The following AHCTF1 variants were observed in gnomAD, a reference collection of about 807,000 sequenced individuals.
AHCTF1 encodes the protein AT-hook containing transcription factor 1, also known as protein ELYS.
Under a neutral mutation model 248.4 loss-of-function variants are expected in AHCTF1, and 24 were observed. The ratio of observed to expected loss-of-function variants is 0.10; its 90% confidence interval spans 0.07 to 0.14. The LOEUF (loss-of-function observed/expected upper bound fraction) is 0.14, where lower values mean the gene tolerates loss of function less well. Ranked by LOEUF, AHCTF1 falls within the 10% of genes least tolerant of loss-of-function variation. The pLI, the probability that AHCTF1 is intolerant of heterozygous loss-of-function variation, is 1.00. For missense variants in AHCTF1, 2,206 were observed against 2,636.2 expected (o/e 0.84, Z 3.57); for synonymous variants, 786 against 929.8 (o/e 0.85, Z 2.81).
chr1:246,886,169 A>G (rs1007619761), intron 20 of AHCTF1, among the ~76,000 whole-genome samples: 1 of 152,054 alleles, frequency 6.6e-6, no homozygotes, highest in South Asian at 2.1e-4. Context: ...CGTCTCTACT[A>G]AAAATGTAAA....
chr1:246,857,947 A>C, intron 29 of AHCTF1, 133 bp from the exon 30 acceptor site: 2 of 706,162 alleles, frequency 2.8e-6, no homozygotes, highest in Non-Finnish European at 4.5e-6. Context: ...GTGTTATCAG[A>C]CTGCTAACAC....
chr1:246,840,206 A>C lies in AHCTF1; in HGVS notation c.*600T>G, dbSNP rs1330187783. On this transcript the variant is annotated 3_prime_UTR_variant, in exon 36 of 36. Coordinates refer to ENST00000648844, the MANE Select transcript of AHCTF1 (RefSeq NM_001323342.2). ...TAAGCTTGCCGAATAAGAGATGCCAACATTATAGTTAACCAATACTTGGAT... is the reference window on the plus strand; with the variant it reads ...TAAGCTTGCCGAATAAGAGATGCCACCATTATAGTTAACCAATACTTGGAT... 6.6e-6 allele frequency: 1 copy of C among 152,670 alleles called. No homozygotes were observed. The highest frequency in any genetic ancestry group is 1.5e-5 in the Non-Finnish European group (1 of 68,054). 9.5% of individuals were successfully genotyped at this position (152,670 alleles called of 1,614,324 possible).
At chr1:246,896,076 G>A in intron 12 of AHCTF1, 151 bp from the exon 13 acceptor site, 2 of 588,636 alleles carry the variant, frequency 3.4e-6, no homozygotes, top group South Asian at 4.6e-5. Context: ...TAACAAGCAT[G>A]GTAAGGACGT....
At chr1:246,889,815 T>TCA in intron 17 of AHCTF1, 151 bp downstream of exon 17, 1 of 525,256 alleles carries the variant, frequency 1.9e-6, no homozygotes, top group Non-Finnish European at 3.3e-6. Flanking sequence ...TGTACTTTTT[T>TCA]AAAAAAGAGA....
At chr1:246,888,026 A>G (rs549214030) in intron 19 of AHCTF1, 151 bp downstream of exon 19, 2 of 802,992 alleles carry the variant, frequency 2.5e-6, no homozygotes, top group South Asian at 1.9e-5. Context: ...AGGCCATCTG[A>G]GCCCAAACAA....
At chr1:246,916,812 G>A (rs1227812134) in intron 2 of AHCTF1, among the ~76,000 whole-genome samples, 4 of 152,190 alleles carry the variant, frequency 2.6e-5, no homozygotes, top group Non-Finnish European at 5.9e-5. Flanking sequence ...ACAGGCAGAA[G>A]TAGATCCCAA....
At chr1:246,857,926 G>T in intron 29 of AHCTF1, 112 bp from the exon 30 acceptor site, 3 of 939,964 alleles carry the variant, frequency 3.2e-6, no homozygotes, top group Non-Finnish European at 3.1e-6. Flanking sequence ...TGTTCTTTTA[G>T]GTTTGCTGCT....
chr1:246,901,459 C>T (rs1303617591), intron 8 of AHCTF1, among the ~76,000 whole-genome samples: 1 of 152,036 alleles, frequency 6.6e-6, no homozygotes, highest in Non-Finnish European at 1.5e-5. Context: ...CCTGTCTCTA[C>T]TAAATATACA....
At position 246,888,674 on chromosome 1, in the gene AHCTF1, C is replaced by G. The variant is rs887182839; in HGVS notation, c.2145-157G>C. Among the ~76,000 whole-genome samples, 3 of 151,866 alleles carry G rather than the reference C, an allele frequency of 2.0e-5. No individual in the cohort carries two copies. In the East Asian group the frequency reaches 5.8e-4, roughly 29 times the overall value. On this transcript the variant is annotated intron_variant, in intron 17 of 35. Coordinates refer to ENST00000648844, the MANE Select transcript of AHCTF1 (RefSeq NM_001323342.2). Reference sequence around the variant, plus strand: ...CTGTAATCCCAGTGATTTGGGAGGCCAAGGCAGGAGGATCAACTCAAGGTC... The same window carrying G: ...CTGTAATCCCAGTGATTTGGGAGGCGAAGGCAGGAGGATCAACTCAAGGTC...
At chr1:246,863,828 A>C in intron 27 of AHCTF1, 96 bp downstream of exon 27, 2 of 1,232,506 alleles carry the variant, frequency 1.6e-6, no homozygotes, top group South Asian at 1.3e-5. Flanking sequence ...GCACTCCCCA[A>C]GCGTATCAGT....
chr1:246,930,017 A>T (rs1035578095), intron 1 of AHCTF1, among the ~76,000 whole-genome samples: 2 of 151,346 alleles, frequency 1.3e-5, no homozygotes, highest in East Asian at 1.9e-4. Flanking sequence ...GTGCCACTGC[A>T]CTCCAGCCTG....
chr1:246,928,753 A>G (rs1004405061), intron 1 of AHCTF1, among the ~76,000 whole-genome samples: 29 of 152,236 alleles, frequency 1.9e-4, no homozygotes, highest in African/African-American at 7.0e-4. Context: ...ACATGTACCA[A>G]GCAAACATTT....
chr1:246,915,022 G>T (rs971671791), intron 3 of AHCTF1, among the ~76,000 whole-genome samples: 11 of 152,166 alleles, frequency 7.2e-5, no homozygotes, highest in African/African-American at 2.7e-4. Context: ...TTTTACATGA[G>T]AGTTCTACTT....
At chr1:246,845,272 T>C (rs1034097273) in intron 33 of AHCTF1, among the ~76,000 whole-genome samples, 1 of 152,180 alleles carries the variant, frequency 6.6e-6, no homozygotes, top group Non-Finnish European at 1.5e-5. Context: ...TAGGTGTATA[T>C]ATAAAAATGT....
chr1:246,922,970 G>C (rs551158893), intron 1 of AHCTF1, among the ~76,000 whole-genome samples: 7 of 118,328 alleles, frequency 5.9e-5, no homozygotes, highest in South Asian at 2.8e-4. Flanking sequence ...GCGACAGAGC[G>C]AGACTCTGTC....
chr1:246,857,939 G>A (rs1249148963), intron 29 of AHCTF1, 125 bp from the exon 30 acceptor site: 7 of 753,718 alleles, frequency 9.3e-6, no homozygotes, highest in African/African-American at 1.9e-5. Flanking sequence ...TTGCTGCTGT[G>A]TTATCAGACT....
intron 30 of AHCTF1, 85 bp from the exon 31 acceptor site, chr1:246,855,912 T>C: frequency 2.3e-6 from 2 of 882,880 alleles, no homozygotes; most frequent in African/African-American, 1.7e-5. Flanking sequence ...TAACCTGTCA[T>C]TTTGGTGATG....
intron 14 of AHCTF1, among the ~76,000 whole-genome samples, chr1:246,893,995 G>A (rs1032822884): frequency 6.6e-6 from 1 of 152,132 alleles, no homozygotes; most frequent in African/African-American, 2.4e-5. Context: ...CTTGAGGCCA[G>A]GAGTTCAAGA....
chr1:246,884,797 T>G (rs1394692965), intron 21 of AHCTF1, among the ~76,000 whole-genome samples: 2 of 152,210 alleles, frequency 1.3e-5, no homozygotes, highest in Non-Finnish European at 2.9e-5. Context: ...GACACTTCCT[T>G]AAGATTTTCT....
Sources: allele counts gnomAD v4.1 joint callset (sites outside exome capture counted in the v4.1 genomes callset), GRCh38; gene constraint gnomAD v4.1.1; transcripts MANE v1.5; gene names NCBI Gene and HGNC (gene_info 2026-07-23, HGNC 2026-07-21).